CDC42SE2: variants seen among roughly 807,000 people sequenced by gnomAD.
CDC42SE2 encodes CDC42 small effector 2.
CDC42SE2 carries 3 observed loss-of-function variants against 11.5 expected under a neutral mutation model. The observed-to-expected ratio is 0.26, with a 90% CI of 0.12 to 0.67. CDC42SE2 has a LOEUF of 0.67. Ranked by LOEUF, CDC42SE2 falls within the 30% of genes least tolerant of loss-of-function variation. The pLI is 0.80. For missense variants in CDC42SE2, 82 were observed against 106.8 expected, an observed-to-expected ratio of 0.77 and a Z score of 1.02; for synonymous variants, 33 against 34.8, an observed-to-expected ratio of 0.95 and a Z score of 0.18.
intron 1 of CDC42SE2, among the ~76,000 whole-genome samples, chr5:131,269,490 C>T (rs1011919235): frequency 3.9e-5 from 6 of 152,170 alleles, no homozygotes; most frequent in Admixed American, 6.5e-5. Flanking sequence ...AATTATTGGC[C>T]GGGCGTGGTG....
intron 2 of CDC42SE2, among the ~76,000 whole-genome samples, chr5:131,356,662 A>G (rs1418165372): frequency 4.6e-5 from 7 of 152,228 alleles, no homozygotes; most frequent in Admixed American, 2.0e-4. Flanking sequence ...GCTCATGTCT[A>G]TAATGCCAGC....
chr5:131,255,356 A>AT (rs933213010), intron 2 of CDC42SE2: 4 of 152,128 alleles, frequency 2.6e-5, no homozygotes, highest in African/African-American at 4.8e-5. Flanking sequence ...TTAAAATTAC[A>AT]TTTTTTTAAT....
At chr5:131,346,110 C>T (rs1365923384) in intron 2 of CDC42SE2, among the ~76,000 whole-genome samples, 1 of 152,166 alleles carries the variant, frequency 6.6e-6, no homozygotes, top group Non-Finnish European at 1.5e-5. Flanking sequence ...AGCAAAATAA[C>T]CAGCTAACAT....
intron 2 of CDC42SE2, among the ~76,000 whole-genome samples, chr5:131,348,320 C>G (rs959266143): frequency 6.6e-6 from 1 of 152,148 alleles, no homozygotes; most frequent in Non-Finnish European, 1.5e-5. Context: ...AATCAATGTG[C>G]AAAAATCACA....
chr5:131,257,247 T>C (rs1384120057), intron 2 of CDC42SE2, among the ~76,000 whole-genome samples: 2 of 152,078 alleles, frequency 1.3e-5, no homozygotes, highest in African/African-American at 4.8e-5. Context: ...CACCATGAAC[T>C]TTCTTTTTTA....
intron 1 of CDC42SE2, among the ~76,000 whole-genome samples, chr5:131,301,651 G>T (rs1325239741): frequency 6.6e-6 from 1 of 151,534 alleles, no homozygotes; most frequent in Non-Finnish European, 1.5e-5. Context: ...CCAGCTACTC[G>T]GGAGGCTGAG....
In CDC42SE2 at chr5:131,347,826, G is replaced by C. The variant is rs550811811; in HGVS notation, c.-285-11383G>C. Among the ~76,000 whole-genome samples the C allele has an allele frequency of 7.6e-4, 116 of 152,316 alleles. 1 individual carries two copies. Among genetic ancestry groups the C allele is most frequent in the Middle Eastern group, 3.4e-3 (1 of 294 alleles). ...ACGATCAAGTGGGCTTTATCCCTGGGATGCAAGGCTGGTTCAACATATGCA... is the reference window on the plus strand; with the variant it reads ...ACGATCAAGTGGGCTTTATCCCTGGCATGCAAGGCTGGTTCAACATATGCA... On this transcript the variant is annotated intron_variant, in intron 2 of 4. Coordinates refer to ENST00000505065, the MANE Select transcript of CDC42SE2 (RefSeq NM_001375635.1).
At chr5:131,245,647 C>T (rs974888227) in intron 1 of CDC42SE2, 11 of 152,168 alleles carry the variant, frequency 7.2e-5, no homozygotes, top group African/African-American at 2.7e-4. Context: ...CTAAATTCTC[C>T]TGCATATTAG....
At chr5:131,336,665 C>T (rs540140240) in intron 2 of CDC42SE2, among the ~76,000 whole-genome samples, 97 of 152,194 alleles carry the variant, frequency 6.4e-4, no homozygotes, top group Middle Eastern at 3.4e-3. Context: ...AGGCTTTGTT[C>T]GTTTCTTTTT....
chr5:131,211,800 G>A, the CDC42SE2 span, among the ~76,000 whole-genome samples: 1 of 151,974 alleles, frequency 6.6e-6, no homozygotes, highest in Non-Finnish European at 1.5e-5. Context: ...TGGGCAACAT[G>A]GCAAAACCCC....
chr5:131,233,637 G>C, the CDC42SE2 span, among the ~76,000 whole-genome samples: 2 of 152,206 alleles, frequency 1.3e-5, no homozygotes, highest in Admixed American at 1.3e-4. Flanking sequence ...AAAGTGCTGG[G>C]ATTACAGGTG....
At chr5:131,293,100 C>T (rs151029444) in intron 1 of CDC42SE2, among the ~76,000 whole-genome samples, 84 of 152,130 alleles carry the variant, frequency 5.5e-4, no homozygotes, top group African/African-American at 1.9e-3. Flanking sequence ...TCTTCCCCAC[C>T]CCTCAAATTC....
intron 3 of CDC42SE2, among the ~76,000 whole-genome samples, chr5:131,367,470 A>G (rs1379658658): frequency 6.6e-6 from 1 of 152,218 alleles, no homozygotes; most frequent in East Asian, 1.9e-4. Context: ...TTAATGTGGT[A>G]TAGTTTCACT....
At chr5:131,369,034 C>T (rs1749940405) in intron 3 of CDC42SE2, among the ~76,000 whole-genome samples, 1 of 152,208 alleles carries the variant, frequency 6.6e-6, no homozygotes, top group Non-Finnish European at 1.5e-5. Flanking sequence ...TCCAATTACA[C>T]ACGTGCCTGT....
chr5:131,312,198 T>C (rs998571230), intron 1 of CDC42SE2, among the ~76,000 whole-genome samples: 3 of 151,772 alleles, frequency 2.0e-5, no homozygotes, highest in Non-Finnish European at 4.4e-5. Flanking sequence ...TTGGAGTACC[T>C]TGCTGTGTGA....
intron 2 of CDC42SE2, among the ~76,000 whole-genome samples, chr5:131,347,106 A>G (rs528952290): frequency 6.6e-6 from 1 of 152,336 alleles, no homozygotes; most frequent in African/African-American, 2.4e-5. Flanking sequence ...GCAAGAGCAA[A>G]CACATTCAAA....
At chr5:131,326,125 G>A (rs1209660593) in intron 2 of CDC42SE2, among the ~76,000 whole-genome samples, 2 of 146,564 alleles carry the variant, frequency 1.4e-5, no homozygotes, top group African/African-American at 5.1e-5. Flanking sequence ...TTTTTTTTGA[G>A]ACGGAGTCTC....
chr5:131,390,372 CTTGAGG>C (rs1750613639), intron 4 of CDC42SE2, among the ~76,000 whole-genome samples: 1 of 152,052 alleles, frequency 6.6e-6, no homozygotes, highest in Non-Finnish European at 1.5e-5. Flanking sequence ...AATTAAGATA[CTTGAGG>C]TTGAGAAACA....
upstream of CDC42SE2, among the ~76,000 whole-genome samples, chr5:131,242,098 T>C (rs1313542166): frequency 1.3e-5 from 2 of 152,208 alleles, no homozygotes; most frequent in African/African-American, 2.4e-5. Flanking sequence ...TTATTTTGGC[T>C]TGATACTCTT....
Sources: gnomAD v4.1 joint callset for allele counts (sites outside exome capture counted in the v4.1 genomes callset) on GRCh38, gnomAD v4.1.1 for gene constraint, MANE v1.5 for transcripts, NCBI Gene and HGNC (gene_info 2026-07-23, HGNC 2026-07-21) for gene names.